The following HPSE2 variants were observed in gnomAD, a reference collection of about 807,000 sequenced individuals.
HPSE2 encodes inactive heparanase-2.
In HPSE2, 38 loss-of-function variants were observed where a neutral mutation model predicts 60.5. The ratio of observed to expected loss-of-function variants is 0.63; its 90% CI spans 0.48 to 0.82. HPSE2 has a LOEUF of 0.82. Among genes scored for constraint, HPSE2 ranks in the 40% least tolerant of loss-of-function variants. The pLI, the probability that HPSE2 is intolerant of heterozygous loss-of-function variation, is 0.00. For synonymous variants in HPSE2, 295 were observed against 293.2 expected (o/e 1.01, Z -0.06); for missense variants, 713 against 740.4 (o/e 0.96, Z 0.43).
chr10:98,914,072 C>G (rs534260558), intron 3 of HPSE2, among the ~76,000 whole-genome samples: 1 of 152,256 alleles, frequency 6.6e-6, no homozygotes, highest in South Asian at 2.1e-4. Context: ...CAAATCTCAT[C>G]TTGAATTGTA....
At chr10:98,648,489 A>T (rs765246572) in intron 6 of HPSE2, among the ~76,000 whole-genome samples, 4 of 152,164 alleles carry the variant, frequency 2.6e-5, no homozygotes, top group Non-Finnish European at 5.9e-5. Context: ...AATCAAAAGT[A>T]CAAAACAAGG....
intron 3 of HPSE2, among the ~76,000 whole-genome samples, chr10:99,109,959 G>A (rs1258803664): frequency 6.6e-6 from 1 of 152,098 alleles, no homozygotes; most frequent in African/African-American, 2.4e-5. Flanking sequence ...TGAGGTGGGT[G>A]AGGGAGGAAA....
At chr10:98,789,202 T>C (rs1026218764) in intron 3 of HPSE2, among the ~76,000 whole-genome samples, 1 of 152,206 alleles carries the variant, frequency 6.6e-6, no homozygotes, top group Non-Finnish European at 1.5e-5. Flanking sequence ...ATAAAGATGG[T>C]AACTTTAGCT....
intron 3 of HPSE2, among the ~76,000 whole-genome samples, chr10:98,889,428 A>C (rs2134924232): frequency 6.6e-6 from 1 of 151,026 alleles, no homozygotes; most frequent in East Asian, 2.0e-4. Flanking sequence ...GGCTGGTCAC[A>C]AACTCCTGGG....
At position 98,695,117 on chromosome 10, in the gene HPSE2, T is replaced by C. The variant is rs149158229; in HGVS notation, c.957-1170A>G. 1.5e-4 allele frequency among the ~76,000 whole-genome samples: 23 copies of C among 152,012 alleles called. No individual in the cohort carries two copies. In the East Asian group the frequency reaches 4.7e-3, roughly 31 times the overall value. ...TGTGACAGCAGAAGAGAATTGAGTT[T>C]CTCTGGAGGAGTACATAAGAGAAAC... On this transcript the variant is annotated intron_variant, in intron 5 of 11. Transcript: ENST00000370552.
chr10:98,635,437 T>G (rs772008194), intron 7 of HPSE2, among the ~76,000 whole-genome samples: 7 of 152,178 alleles, frequency 4.6e-5, no homozygotes, highest in Non-Finnish European at 1.0e-4. Flanking sequence ...TCATGCTCAC[T>G]GCAGTACTAT....
the HPSE2 span, among the ~76,000 whole-genome samples, chr10:99,313,531 T>C: frequency 6.6e-6 from 1 of 151,600 alleles, no homozygotes; most frequent in Non-Finnish European, 1.5e-5. Context: ...AAACAACAGA[T>C]TTAGAATATT....
At chr10:98,473,468 G>C (rs1196760867) in intron 11 of HPSE2, among the ~76,000 whole-genome samples, 1 of 124,764 alleles carries the variant, frequency 8.0e-6, no homozygotes, top group Admixed American at 9.4e-5. Flanking sequence ...CTGGGTGACA[G>C]AGTGAGACTC....
chr10:98,514,804 C>G (rs1239861615), intron 9 of HPSE2, among the ~76,000 whole-genome samples: 2 of 148,388 alleles, frequency 1.3e-5, no homozygotes, highest in Non-Finnish European at 3.0e-5. Context: ...TTGCAACCTC[C>G]ACCTACCTGG....
intron 3 of HPSE2, among the ~76,000 whole-genome samples, chr10:98,835,429 A>C (rs1308301358): frequency 6.6e-6 from 1 of 152,340 alleles, no homozygotes; most frequent in South Asian, 2.1e-4. Context: ...TTGGTTAATA[A>C]AAAATATTTA....
At chr10:98,644,770 A>T (rs938700833) in intron 6 of HPSE2, among the ~76,000 whole-genome samples, 1 of 152,144 alleles carries the variant, frequency 6.6e-6, no homozygotes, top group African/African-American at 2.4e-5. Context: ...AAATGGTCCA[A>T]TTGCTCCTTC....
At chr10:99,030,547 G>A (rs1220371592) in intron 3 of HPSE2, among the ~76,000 whole-genome samples, 36 of 152,218 alleles carry the variant, frequency 2.4e-4, no homozygotes, top group Non-Finnish European at 2.9e-5. Flanking sequence ...TGGTGGAAAT[G>A]TAAGTTAGTA....
intron 3 of HPSE2, among the ~76,000 whole-genome samples, chr10:98,940,539 G>A (rs1355479016): frequency 2.8e-5 from 4 of 143,624 alleles, no homozygotes; most frequent in Non-Finnish European, 4.5e-5. Context: ...CAAGGAAGAA[G>A]TTGAATCTCT....
In HPSE2 at chr10:98,470,352, T is replaced by C. The variant is rs1429413776; in HGVS notation, c.1614-10613A>G. On this transcript the variant is annotated intron_variant, in intron 11 of 11. Transcript: ENST00000370552. Reference sequence around the variant, plus strand: ...CAAAGTGTGGGGTGACTCTGAATCATTGTTGCAAGGGTAAGCAGGGAAGGC... The same window carrying C: ...CAAAGTGTGGGGTGACTCTGAATCACTGTTGCAAGGGTAAGCAGGGAAGGC... Among the ~76,000 whole-genome samples the C allele has an allele frequency of 2.0e-5, 3 of 152,240 alleles. No individual in the cohort carries two copies. In the East Asian group the frequency reaches 5.8e-4, roughly 29 times the overall value.
chr10:99,106,336 A>T (rs1844246769), intron 3 of HPSE2, among the ~76,000 whole-genome samples: 1 of 152,116 alleles, frequency 6.6e-6, no homozygotes, highest in Non-Finnish European at 1.5e-5. Flanking sequence ...TTGTTGGTAG[A>T]TGCCCTTTAT....
intron 3 of HPSE2, among the ~76,000 whole-genome samples, chr10:99,141,110 A>C (rs536242846): frequency 1.1e-3 from 168 of 152,338 alleles, no homozygotes; most frequent in African/African-American, 3.9e-3. Context: ...TTTATAGAGC[A>C]TTGTTGTATT....
intron 4 of HPSE2, among the ~76,000 whole-genome samples, chr10:98,728,532 C>T (rs746056228): frequency 8.6e-5 from 13 of 152,036 alleles, no homozygotes; most frequent in Non-Finnish European, 1.8e-4. Context: ...GCAGGAGAAT[C>T]GCTTGAACCT....
intron 9 of HPSE2, among the ~76,000 whole-genome samples, chr10:98,544,832 CA>C (rs1270748257): frequency 1.3e-5 from 2 of 150,124 alleles, no homozygotes; most frequent in South Asian, 4.2e-4. Flanking sequence ...AATAGAGACA[CA>C]AAAAACCCTC....
chr10:98,788,701 C>T (rs1019895709), intron 3 of HPSE2, among the ~76,000 whole-genome samples: 9 of 151,936 alleles, frequency 5.9e-5, no homozygotes, highest in Admixed American at 2.6e-4. Context: ...GGGAGTGACC[C>T]GATTTTCCAG....
Sources: allele counts gnomAD v4.1 joint callset (sites outside exome capture counted in the v4.1 genomes callset), GRCh38; gene constraint gnomAD v4.1.1; transcripts MANE v1.5; gene names NCBI Gene and HGNC (gene_info 2026-07-23, HGNC 2026-07-21).